MAPK8: variants seen among roughly 807,000 people sequenced by gnomAD.
MAPK8 encodes the protein mitogen-activated protein kinase 8, also known as JUN N-terminal kinase.
A neutral mutation model predicts 52.9 loss-of-function variants in MAPK8; 13 were observed. That is an observed-to-expected ratio of 0.25 (90% CI 0.16 to 0.39). The LOEUF (loss-of-function observed/expected upper bound fraction) is 0.39. Among genes scored for constraint, MAPK8 ranks in the 10% least tolerant of loss-of-function variants. MAPK8 has a pLI of 1.00. For missense variants in MAPK8, 300 were observed against 519.2 expected (o/e 0.58, Z 4.10); for synonymous variants, 191 against 169.8 (o/e 1.12, Z -0.97).
chr10:48,435,261 G>A lies in MAPK8; in HGVS notation c.*232G>A. ...TGTATTTTTTTTGCTGTAATTAACTGTATAATGTAAACCTAATTATTTTAT... is the reference window on the plus strand; with the variant it reads ...TGTATTTTTTTTGCTGTAATTAACTATATAATGTAAACCTAATTATTTTAT... On this transcript the variant is annotated 3_prime_UTR_variant, in exon 12 of 12. Coordinates refer to ENST00000374189, the MANE Select transcript of MAPK8 (RefSeq NM_001323329.2). 2.4e-6 allele frequency: 1 copy of A among 410,490 alleles called. No individual in the cohort carries two copies. Among genetic ancestry groups the A allele is most frequent in the Non-Finnish European group, 4.3e-6 (1 of 232,786 alleles). The allele number at this position is 410,490 out of a possible 1,614,324, so 25.4% of individuals were successfully genotyped here. A position where few individuals can be genotyped will look rare whatever the true frequency, so the allele number is the denominator to read the frequency against.
intron 3 of MAPK8, among the ~76,000 whole-genome samples, chr10:48,406,395 GAGTTC>G (rs964343691): frequency 2.0e-5 from 3 of 152,136 alleles, no homozygotes; most frequent in African/African-American, 7.2e-5. Flanking sequence ...CCTTGGGGAG[GAGTTC>G]AGTTAATCCT....
chr10:48,406,023 T>C (rs2042447185), intron 3 of MAPK8, among the ~76,000 whole-genome samples: 1 of 152,160 alleles, frequency 6.6e-6, no homozygotes, highest in South Asian at 2.1e-4. Flanking sequence ...TGTCAAATGA[T>C]GATGGTGGCC....
chr10:48,358,116 T>C (rs73294828), intron 1 of MAPK8, among the ~76,000 whole-genome samples: 5 of 152,354 alleles, frequency 3.3e-5, no homozygotes, highest in African/African-American at 1.2e-4. Flanking sequence ...ATAGTGCTGC[T>C]ATGAACATGT....
chr10:48,406,769 G>A (rs756129091), intron 3 of MAPK8, among the ~76,000 whole-genome samples: 12 of 152,140 alleles, frequency 7.9e-5, no homozygotes, highest in South Asian at 2.1e-4. Context: ...ATGGTCTTGA[G>A]TTTCTTTTTT....
intron 1 of MAPK8, among the ~76,000 whole-genome samples, chr10:48,359,127 C>T (rs1847289711): frequency 6.6e-6 from 1 of 152,130 alleles, no homozygotes; most frequent in South Asian, 2.1e-4. Flanking sequence ...GCTCTCATCT[C>T]ATCTTCATTA....
At chr10:48,432,507 A>G (rs1589315767) in intron 11 of MAPK8, among the ~76,000 whole-genome samples, 1 of 152,300 alleles carries the variant, frequency 6.6e-6, no homozygotes, top group South Asian at 2.1e-4. Context: ...CAATTTACTT[A>G]TAACAAATTT....
chr10:48,387,527 A>T (rs1373151753), intron 1 of MAPK8, among the ~76,000 whole-genome samples: 1 of 152,074 alleles, frequency 6.6e-6, no homozygotes, highest in African/African-American at 2.4e-5. Context: ...TAAGATTATA[A>T]CCTCTTCCTG....
At chr10:48,431,394 A>T in intron 11 of MAPK8, 124 bp downstream of exon 11, 1 of 664,564 alleles carries the variant, frequency 1.5e-6, no homozygotes. Flanking sequence ...CTTAATAAGT[A>T]TAAGGAAATA....
chr10:48,431,427 A>G (rs1176577429), intron 11 of MAPK8, among the ~76,000 whole-genome samples, 157 bp downstream of exon 11: 1 of 152,250 alleles, frequency 6.6e-6, no homozygotes, highest in Non-Finnish European at 1.5e-5. Context: ...TTCTACTAAT[A>G]CATTATACTA....
rs775306117 is a variant in MAPK8, at chr10:48,437,950, AATC to A, written c.*2926_*2928del. The stretch of plus-strand genomic sequence containing the variant: ...AGAGGACATCAGTGTCTGATAGTGA[AATC>A]ATCAGCAGGAAAGTGAAGCTCTTTC... On this transcript the variant is annotated 3_prime_UTR_variant, in exon 12 of 12. Coordinates refer to ENST00000374189, the MANE Select transcript of MAPK8 (RefSeq NM_001323329.2). 3 of 152,254 alleles carry A rather than the reference AATC, an allele frequency of 2.0e-5. No individual in the cohort carries two copies. Among genetic ancestry groups the A allele is most frequent in the Non-Finnish European group, 2.9e-5 (2 of 68,052 alleles). 9.4% of individuals were successfully genotyped at this position (152,254 alleles called of 1,614,324 possible).
At chr10:48,367,969 A>G (rs975506952) in intron 1 of MAPK8, among the ~76,000 whole-genome samples, 1 of 152,192 alleles carries the variant, frequency 6.6e-6, no homozygotes, top group African/African-American at 2.4e-5. Context: ...ATTAACTTAT[A>G]TTACAATACC....
At chr10:48,418,048 C>T (rs1000716310) in intron 5 of MAPK8, among the ~76,000 whole-genome samples, 10 of 152,280 alleles carry the variant, frequency 6.6e-5, no homozygotes, top group African/African-American at 2.4e-4. Context: ...ACAAAAGCAG[C>T]CATAGGTGAT....
intron 1 of MAPK8, among the ~76,000 whole-genome samples, chr10:48,384,410 T>C (rs921078102): frequency 6.6e-6 from 1 of 152,246 alleles, no homozygotes; most frequent in African/African-American, 2.4e-5. Flanking sequence ...TAAATTTCTT[T>C]TATAAATAGC....
At chr10:48,331,562 T>G (rs1844153594) in intron 1 of MAPK8, among the ~76,000 whole-genome samples, 1 of 152,212 alleles carries the variant, frequency 6.6e-6, no homozygotes, top group South Asian at 2.1e-4. Context: ...TTCAGCTGTT[T>G]GCACAGCTAT....
chr10:48,403,918 T>C (rs2042301899), intron 2 of MAPK8, among the ~76,000 whole-genome samples: 1 of 10,002 alleles, frequency 1.0e-4, no homozygotes, highest in South Asian at 1.5e-3. Flanking sequence ...CCGGCTAATT[T>C]GTGTGTGTGT....
chr10:48,373,448 G>A (rs1589109553), intron 1 of MAPK8, among the ~76,000 whole-genome samples: 3 of 151,672 alleles, frequency 2.0e-5, no homozygotes, highest in African/African-American at 7.3e-5. Flanking sequence ...TCACAGACTG[G>A]CAAATTCGTT....
At chr10:48,335,549 C>G (rs1158865830) in intron 1 of MAPK8, among the ~76,000 whole-genome samples, 2 of 152,114 alleles carry the variant, frequency 1.3e-5, no homozygotes, top group African/African-American at 4.8e-5. Context: ...TTAATTTTTT[C>G]ATTGGCAATA....
rs1417732204 is a variant in MAPK8 at position 48,436,993 on chromosome 10, CA to C, written c.*1965del. ...AGATTATGTCACTGTTGCACTTTCA[CA>C]GCAGACATGCTTTCAGAAGGTTCTC... On this transcript the variant is annotated 3_prime_UTR_variant, in exon 12 of 12. Transcript: ENST00000374189. 1.3e-5 allele frequency: 2 copies of C among 152,222 alleles called. No individual in the cohort carries two copies. The highest frequency in any genetic ancestry group is 4.8e-5 in the African/African-American group (2 of 41,462). 9.4% of individuals were successfully genotyped at this position (152,222 alleles called of 1,614,324 possible).
At position 48,404,074 on chromosome 10, in the gene MAPK8, C is replaced by T. The variant is rs546192880; in HGVS notation, c.123-778C>T. ...CTGGGATTACAGGCGTGAGCCACTG[C>T]GCCTGGCCCTTCTGTATTTATTTTA... is the stretch of plus-strand genomic sequence containing the variant. On this transcript the variant is annotated intron_variant, in intron 2 of 11. Coordinates refer to ENST00000374189, the MANE Select transcript of MAPK8 (RefSeq NM_001323329.2). Among the ~76,000 whole-genome samples, 7 of 151,646 alleles carry T rather than the reference C, an allele frequency of 4.6e-5. No individual in the cohort carries two copies. In the East Asian group the frequency reaches 9.7e-4, roughly 21 times the overall value.
Sources: gnomAD v4.1 joint callset for allele counts (sites outside exome capture counted in the v4.1 genomes callset) on GRCh38, gnomAD v4.1.1 for gene constraint, MANE v1.5 for transcripts, NCBI Gene and HGNC (gene_info 2026-07-23, HGNC 2026-07-21) for gene names.